The following USO1 variants were observed in gnomAD, a reference collection of about 807,000 sequenced individuals.
USO1 encodes general vesicular transport factor p115.
USO1 carries 57 observed loss-of-function variants against 124.5 expected under a neutral mutation model. The observed-to-expected ratio is 0.46, with a 90% CI of 0.37 to 0.57. USO1 has a LOEUF of 0.57. Among genes scored for constraint, USO1 ranks in the 20% least tolerant of loss-of-function variants. The pLI, the probability that USO1 is intolerant of heterozygous loss-of-function variation, is 0.00. For missense variants in USO1, 900 were observed against 1,040.6 expected (o/e 0.86, Z 1.86); for synonymous variants, 369 against 362.8 (o/e 1.02, Z -0.19).
intron 4 of USO1, among the ~76,000 whole-genome samples, chr4:75,762,381 C>T (rs1721637056): frequency 6.6e-6 from 1 of 151,788 alleles, no homozygotes; most frequent in Non-Finnish European, 1.5e-5. Flanking sequence ...CCAGGATGGT[C>T]TCGATCTCCA....
In USO1 at chr4:75,757,477, T is replaced by C. The variant is rs1249756543; in HGVS notation, c.219-20T>C. The C allele has an allele frequency of 6.8e-7, 1 of 1,478,742 alleles. No individual in the cohort carries two copies. The highest frequency in any genetic ancestry group is 1.4e-5 in the African/African-American group (1 of 69,120). The allele number at this position is 1,478,742 out of a possible 1,614,324, so 91.6% of individuals were successfully genotyped here. A position where few individuals can be genotyped will look rare whatever the true frequency, so the allele number is the denominator to read the frequency against. ...TACTCTCATCAGCAGTGTATAAGTG[T>C]AATAATTTCTTTTTTCCAGTTCAGA... On this transcript the variant is annotated intron_variant, in intron 3 of 23. Coordinates refer to ENST00000514213, the MANE Select transcript of USO1 (RefSeq NM_003715.4).
intron 1 of USO1, among the ~76,000 whole-genome samples, chr4:75,739,088 G>C (rs1274997039): frequency 6.6e-6 from 1 of 151,942 alleles, no homozygotes; most frequent in Admixed American, 6.6e-5. Flanking sequence ...TCCTGACCTC[G>C]TGATCCGCCC....
chr4:75,764,027 G>A (rs1022486745), intron 4 of USO1, among the ~76,000 whole-genome samples: 1 of 152,126 alleles, frequency 6.6e-6, no homozygotes, highest in Non-Finnish European at 1.5e-5. Context: ...AAGAAATGGC[G>A]TATATCTCAC....
At position 75,724,894 on chromosome 4, in the gene USO1, A is replaced by G. The variant is rs1291852311; in HGVS notation, c.66+9A>G. 6.2e-7 allele frequency: 1 copy of G among 1,612,364 alleles called. No homozygotes were observed. Among genetic ancestry groups the G allele is most frequent in the South Asian group, 1.1e-5 (1 of 91,054 alleles). On this transcript the variant is annotated intron_variant, in intron 1 of 23. Transcript: ENST00000514213. ...ACACAGAAGCCGAGACGGTGAGAGG[A>G]GCAGCGGGTCTGGGACTTGGGAAGG...
At chr4:75,765,637 CT>C (rs11385399) in intron 4 of USO1, among the ~76,000 whole-genome samples, 7 of 144,902 alleles carry the variant, frequency 4.8e-5, no homozygotes, top group African/African-American at 2.5e-5. Flanking sequence ...GGTACCAGTT[CT>C]TTTTTTTTTT....
At chr4:75,743,877 C>T (rs916155569) in intron 1 of USO1, among the ~76,000 whole-genome samples, 4 of 151,962 alleles carry the variant, frequency 2.6e-5, no homozygotes, top group Admixed American at 6.5e-5. Flanking sequence ...CCTGGATTCA[C>T]GCCATTCTCC....
chr4:75,813,434 G>T lies in USO1; in HGVS notation c.*139G>T. On this transcript the variant is annotated 3_prime_UTR_variant, in exon 24 of 24. Transcript: ENST00000514213. Reference sequence around the variant, plus strand: ...CTATTAAGACTATTGATATATTTTTGTAATGTTGCCACCCATGTTGAAAAC... The same window carrying T: ...CTATTAAGACTATTGATATATTTTTTTAATGTTGCCACCCATGTTGAAAAC... The T allele has an allele frequency of 1.1e-6, 1 of 913,906 alleles. No individual in the cohort carries two copies. The allele number at this position is 913,906 out of a possible 1,614,324, so 56.6% of individuals were successfully genotyped here. A position where few individuals can be genotyped will look rare whatever the true frequency, so the allele number is the denominator to read the frequency against.
At chr4:75,728,365 A>G (rs1008239363) in intron 1 of USO1, among the ~76,000 whole-genome samples, 4 of 152,340 alleles carry the variant, frequency 2.6e-5, no homozygotes, top group Middle Eastern at 3.4e-3. Flanking sequence ...GCTCACGCCT[A>G]TAATCCCAGC....
intron 4 of USO1, among the ~76,000 whole-genome samples, chr4:75,769,663 A>G (rs1460471809): frequency 1.3e-5 from 2 of 151,752 alleles, no homozygotes; most frequent in African/African-American, 4.8e-5. Flanking sequence ...GTATGTTTGC[A>G]TCACTAATTT....
intron 1 of USO1, among the ~76,000 whole-genome samples, chr4:75,727,584 G>C (rs1720501178): frequency 6.6e-6 from 1 of 152,180 alleles, no homozygotes; most frequent in South Asian, 2.1e-4. Context: ...AGTATTTATA[G>C]AGCATCAGTG....
Position 75,813,227 on chromosome 4 carries a change from G to C in USO1, c.2821G>C (p.Glu941Gln), listed in dbSNP as rs750196146. The C allele has an allele frequency of 6.2e-7, 1 of 1,610,272 alleles. No homozygotes were observed. The highest frequency in any genetic ancestry group is 1.3e-5 in the African/African-American group (1 of 74,662). The change falls in exon 24 of 24, where the codon GAA becomes CAA. Residue 941 changes from glutamate (E) to glutamine (Q), a missense_variant. Glu to Gln is a conservative substitution (Grantham distance 29, BLOSUM62 2). Transcript: ENST00000514213. ...GHPVEEEDEL[E>Q]SGDQEDEDDE... Reference sequence around the variant, plus strand: ...CTAGGTTGAAGAAGAGGATGAACTTGAATCTGGAGACCAAGAGGATGAGGA... The same window carrying C: ...CTAGGTTGAAGAAGAGGATGAACTTCAATCTGGAGACCAAGAGGATGAGGA...
chr4:75,779,745 G>A (rs1722167287), intron 8 of USO1, among the ~76,000 whole-genome samples: 1 of 152,212 alleles, frequency 6.6e-6, no homozygotes, highest in African/African-American at 2.4e-5. Context: ...AAAGTACAAG[G>A]TGAAACAGCA....
At chr4:75,785,363 A>T (rs184118490) in intron 9 of USO1, among the ~76,000 whole-genome samples, 5 of 152,202 alleles carry the variant, frequency 3.3e-5, no homozygotes, top group Admixed American at 6.5e-5. Context: ...TTATTTTTTT[A>T]AAAAATTATA....
chr4:75,726,111 G>A (rs1720440774), intron 1 of USO1, among the ~76,000 whole-genome samples: 1 of 151,914 alleles, frequency 6.6e-6, no homozygotes, highest in East Asian at 1.9e-4. Flanking sequence ...GAGAAACCCC[G>A]TCTCTACTAA....
chr4:75,764,226 C>T (rs533272016), intron 4 of USO1, among the ~76,000 whole-genome samples: 40 of 152,076 alleles, frequency 2.6e-4, no homozygotes, highest in Non-Finnish European at 4.9e-4. Context: ...TTGCTTGTGC[C>T]CAGTGCAAAC....
At chr4:75,798,446 C>A (rs1174954378) in intron 13 of USO1, among the ~76,000 whole-genome samples, 3 of 152,080 alleles carry the variant, frequency 2.0e-5, no homozygotes, top group Non-Finnish European at 2.9e-5. Context: ...TTTTAACTTT[C>A]CAATTTACAT....
intron 1 of USO1, among the ~76,000 whole-genome samples, chr4:75,745,879 G>A (rs774093559): frequency 1.3e-4 from 20 of 151,712 alleles, no homozygotes; most frequent in Non-Finnish European, 2.2e-4. Context: ...CAGCCTAGGC[G>A]ACAGAGTGAG....
chr4:75,778,339 GGAAGA>G (rs1722128630), intron 8 of USO1, among the ~76,000 whole-genome samples: 2 of 151,996 alleles, frequency 1.3e-5, no homozygotes, highest in Admixed American at 1.3e-4. Context: ...AAAATCAGAG[GGAAGA>G]GAAAATATAT....
At chr4:75,784,819 A>G (rs898195556) in intron 9 of USO1, among the ~76,000 whole-genome samples, 1 of 152,132 alleles carries the variant, frequency 6.6e-6, no homozygotes, top group African/African-American at 2.4e-5. Context: ...CCAAAAAATT[A>G]TTAGAGTACA....
Sources: allele counts gnomAD v4.1 joint callset (sites outside exome capture counted in the v4.1 genomes callset), GRCh38; gene constraint gnomAD v4.1.1; transcripts MANE v1.5; gene names NCBI Gene and HGNC (gene_info 2026-07-23, HGNC 2026-07-21).